The following DST variants were observed in gnomAD, a reference collection of about 807,000 sequenced individuals.
The protein encoded by DST is dystonin.
Under a neutral mutation model 875.2 loss-of-function variants are expected in DST, and 253 were observed. The ratio of observed to expected loss-of-function variants is 0.29; its 90% CI spans 0.26 to 0.32. The LOEUF (loss-of-function observed/expected upper bound fraction) is 0.32, where lower values mean the gene tolerates loss of function less well. DST is among the 10% of genes least tolerant of loss of function. The pLI, the probability that DST is intolerant of heterozygous loss-of-function variation, is 1.00. For missense variants in DST, 8,287 were observed against 9,111.6 expected (o/e 0.91, Z 3.68); for synonymous variants, 3,124 against 3,197.1 (o/e 0.98, Z 0.77).
intron 9 of DST, among the ~76,000 whole-genome samples, chr6:56,681,233 T>C (rs1012079802): frequency 6.6e-6 from 1 of 152,182 alleles, no homozygotes; most frequent in East Asian, 1.9e-4. Context: ...AAGAAGCTGC[T>C]GGAGTCATCC....
intron 4 of DST, among the ~76,000 whole-genome samples, chr6:56,814,990 G>A (rs2099764929): frequency 6.6e-6 from 1 of 152,164 alleles, no homozygotes; most frequent in Non-Finnish European, 1.5e-5. Flanking sequence ...GGCAAAGGCT[G>A]CAGAGCCACA....
intron 2 of DST, among the ~76,000 whole-genome samples, chr6:56,928,648 T>A (rs1808486774): frequency 6.6e-6 from 1 of 152,178 alleles, no homozygotes; most frequent in African/African-American, 2.4e-5. Context: ...CAATAATCAC[T>A]ATTTGCGGAT....
rs2152511455 is a variant in DST at position 56,529,461 on chromosome 6, T to C, written c.17582A>G (p.Gln5861Arg). ...AAATCAAAATACCCGAAGTTCAGAC[T>C]GCTGCTTCCATAGCCCCTCAGTGCT... ...DYSTEGLWKQ[Q>R]SELRVLQEDI... The change falls in exon 66 of 104, where the codon CAG becomes CGG. Residue 5861 changes from glutamine to arginine, a missense_variant. By Grantham distance (43) the Gln-to-Arg change is conservative (BLOSUM62 1). Around this residue, in one of 10 missense-constraint regions of DST, gnomAD observed 777 missense variants for 764.8 expected, o/e 1.02. Transcript: ENST00000680361. The C allele has an allele frequency of 1.3e-6, 2 of 1,497,354 alleles. No individual in the cohort carries two copies. Among genetic ancestry groups the C allele is most frequent in the Non-Finnish European group, 1.8e-6 (2 of 1,123,322 alleles). The allele number at this position is 1,497,354 out of a possible 1,614,324, so 92.8% of individuals were successfully genotyped here.
At chr6:56,720,248 C>G (rs1455575499) in intron 5 of DST, among the ~76,000 whole-genome samples, 2 of 151,942 alleles carry the variant, frequency 1.3e-5, no homozygotes, top group African/African-American at 4.8e-5. Context: ...CTCCCATTTG[C>G]TTTTGAAAGA....
Position 56,459,058 on chromosome 6 carries a change from TG to T in DST, c.23403del (p.Thr7802ArgfsTer28). 4 of 1,613,828 alleles carry T rather than the reference TG, an allele frequency of 2.5e-6. No individual in the cohort carries two copies. The highest frequency in any genetic ancestry group is 3.4e-6 in the Non-Finnish European group (4 of 1,179,794). On this transcript the variant is annotated frameshift_variant, in exon 104 of 104. Transcript: ENST00000680361. LOFTEE classifies it high-confidence loss of function. ...CTGGCAGGTGATTTCCTCTGGGGCGTGGGGATTTTTGAAGGCTTCGCTGTGG... is the reference window on the plus strand; with the variant it reads ...CTGGCAGGTGATTTCCTCTGGGGCGTGGGATTTTTGAAGGCTTCGCTGTGG... ...RPSTAKPSKIPTPQRKSPASK... is the reference protein window; with the variant it reads ...RPSTAKPSKIXTPQRKSPASK...
In DST at chr6:56,648,591, A is replaced by C. The variant is rs746876798; in HGVS notation, c.1533T>G (p.Pro511=). The change falls in exon 13 of 104, where the codon CCT becomes CCG. Residue 511 remains proline (P), a synonymous_variant. Transcript: ENST00000680361. ...HVTTMSERTF[P]NNPVELKALY... ...TAACCTTCAGTTCTACAGGATTATT[A>C]GGAAATGTTCTCTCAGACATTGTGG... 63 of 1,585,124 alleles carry C rather than the reference A, an allele frequency of 4.0e-5. No individual in the cohort carries two copies. Among genetic ancestry groups the C allele is most frequent in the Non-Finnish European group, 5.2e-5 (61 of 1,163,272 alleles).
intron 7 of DST, among the ~76,000 whole-genome samples, chr6:56,702,629 T>C (rs542198579): frequency 6.6e-6 from 1 of 152,300 alleles, no homozygotes; most frequent in East Asian, 1.9e-4. Flanking sequence ...TACTTGGGGA[T>C]GGAAACAATT....
At chr6:56,843,367 T>C (rs1169664550) in intron 4 of DST, 8 of 1,173,474 alleles carry the variant, frequency 6.8e-6, no homozygotes, top group Non-Finnish European at 7.4e-6. Context: ...AGGCCGATGG[T>C]GGGCCGCCCG....
chr6:56,717,110 T>C (rs193193600), intron 5 of DST, among the ~76,000 whole-genome samples: 198 of 152,016 alleles, frequency 1.3e-3, no homozygotes, highest in African/African-American at 4.3e-3. Context: ...GTGAACCCGG[T>C]AGGCAGAGCT....
chr6:56,509,995 T>C (rs1339915346), intron 73 of DST, 122 bp from the exon 74 acceptor site: 14 of 790,602 alleles, frequency 1.8e-5, no homozygotes. Context: ...TTAGCCTCTT[T>C]ATCAACAGAC....
chr6:56,758,358 G>A (rs2099609233), intron 4 of DST, among the ~76,000 whole-genome samples: 1 of 152,056 alleles, frequency 6.6e-6, no homozygotes, highest in South Asian at 2.1e-4. Context: ...CAGATGTGGT[G>A]GTGAAACATC....
chr6:56,506,345 T>C, intron 77 of DST, 98 bp downstream of exon 77: 1 of 908,656 alleles, frequency 1.1e-6, no homozygotes, highest in South Asian at 1.9e-5. Flanking sequence ...CAATTGCATA[T>C]GCACTGGCAG....
rs140683509 is a variant in DST at position 56,576,031 on chromosome 6, G to A, written c.13028-2144C>T. ...TGGAACTGTCACCCTGTCAACCTCT[G>A]AGGAGGGAAGAGGGGCTGAAGATTG... On this transcript the variant is annotated intron_variant, in intron 50 of 103. Transcript: ENST00000680361. Among the ~76,000 whole-genome samples the A allele has an allele frequency of 2.0e-5, 3 of 152,300 alleles. No homozygotes were observed. In the East Asian group the frequency reaches 5.8e-4, roughly 29 times the overall value.
chr6:56,788,811 C>T (rs930842874), intron 4 of DST, among the ~76,000 whole-genome samples: 3 of 152,168 alleles, frequency 2.0e-5, no homozygotes, highest in Non-Finnish European at 4.4e-5. Flanking sequence ...CAACTTTTTG[C>T]TATTACTACA....
At chr6:56,595,234 G>A (rs2098351873) in intron 47 of DST, among the ~76,000 whole-genome samples, 1 of 151,848 alleles carries the variant, frequency 6.6e-6, no homozygotes, top group South Asian at 2.1e-4. Context: ...CCCCACCCTG[G>A]TAAACACTTT....
chr6:56,505,646 A>C (rs997247579), intron 77 of DST, among the ~76,000 whole-genome samples: 2 of 152,152 alleles, frequency 1.3e-5, no homozygotes, highest in African/African-American at 4.8e-5. Flanking sequence ...AAAAAGGAAA[A>C]GATGTTCTCA....
At position 56,529,740 on chromosome 6, in the gene DST, T is replaced by G; in HGVS notation, c.17303A>C (p.His5768Pro). 1 of 1,596,974 alleles carries G rather than the reference T, an allele frequency of 6.3e-7. No homozygotes were observed. Residue 5768 changes from histidine to proline, a missense_variant, in exon 66 of 104, where the codon CAT (histidine) becomes CCT (proline). By Grantham distance (77) the His-to-Pro change is moderately conservative. Around this residue, in one of 10 missense-constraint regions of DST, gnomAD observed 777 missense variants for 764.8 expected, o/e 1.02. Transcript: ENST00000680361. ...GCCAATGCTAACAGCCTGGTGTAAATGTTTATTGTGATTGATGATGTCATC... is the reference window on the plus strand; with the variant it reads ...GCCAATGCTAACAGCCTGGTGTAAAGGTTTATTGTGATTGATGATGTCATC... ...LEDDIINHNKHLHQAVSIGQS... is the reference protein window; with the variant it reads ...LEDDIINHNKPLHQAVSIGQS...
chr6:56,791,056 T>G (rs942906529), intron 4 of DST, among the ~76,000 whole-genome samples: 7 of 151,304 alleles, frequency 4.6e-5, no homozygotes, highest in Non-Finnish European at 8.9e-5. Flanking sequence ...GCCAAGAGAG[T>G]GGGTGAATGA....
chr6:56,483,658 C>G (rs2095474472), intron 88 of DST: 1 of 145,676 alleles, frequency 6.9e-6, no homozygotes, highest in Non-Finnish European at 1.5e-5. Context: ...ATTTTTGATC[C>G]AAGAGTCTGT....
Sources: gnomAD v4.1 joint callset for allele counts (sites outside exome capture counted in the v4.1 genomes callset) on GRCh38, gnomAD v4.1.1 for gene constraint, gnomAD v4.1.1 regional missense constraint, MANE v1.5 for transcripts, NCBI Gene and HGNC (gene_info 2026-07-23, HGNC 2026-07-21) for gene names.